The following CSGALNACT1 variants were observed in gnomAD, a reference collection of about 807,000 sequenced individuals.
CSGALNACT1 encodes chondroitin sulfate N-acetylgalactosaminyltransferase 1, also known as beta4GalNAcT-1.
In CSGALNACT1, 52 loss-of-function variants were observed where a neutral mutation model predicts 51.0. The observed-to-expected ratio is 1.02, with a 90% CI of 0.82 to 1.29. The LOEUF is 1.29. CSGALNACT1 is among the 50% of genes most tolerant of loss of function. The probability of loss-of-function intolerance (pLI) is 0.00; values close to 1 mark genes in which losing one functional copy is unlikely to be tolerated. For synonymous variants in CSGALNACT1, 341 were observed against 254.4 expected, an observed-to-expected ratio of 1.34 and a Z score of -3.24; for missense variants, 935 against 679.2, an observed-to-expected ratio of 1.38 and a Z score of -4.19.
At position 19,565,073 on chromosome 8, in the gene CSGALNACT1, G is replaced by A. The variant is rs185146502; in HGVS notation, c.-297+26087C>T. Among the ~76,000 whole-genome samples the A allele has an allele frequency of 1.1e-4, 17 of 152,300 alleles. No individual in the cohort carries two copies. In the East Asian group the frequency reaches 1.5e-3, roughly 14 times the overall value. On this transcript the variant is annotated intron_variant, in intron 3 of 9. Coordinates refer to ENST00000454498, the Ensembl canonical transcript of CSGALNACT1. ...TGCCCACTATATTACAAATTTGGCC[G>A]AAGTTTGAAGGTTACAAGCATCCTT...
At chr8:19,721,737 C>T (rs907814314) in intron 1 of CSGALNACT1, among the ~76,000 whole-genome samples, 2 of 152,188 alleles carry the variant, frequency 1.3e-5, no homozygotes, top group African/African-American at 4.8e-5. Flanking sequence ...AAATATCACG[C>T]ATTATGCTGA....
chr8:19,587,298 T>A (rs958782457), intron 3 of CSGALNACT1, among the ~76,000 whole-genome samples: 10 of 152,204 alleles, frequency 6.6e-5, no homozygotes, highest in African/African-American at 2.2e-4. Context: ...TCAGAAACAC[T>A]GGCTTAGTCT....
At chr8:19,541,436 T>C (rs1039177380) in intron 3 of CSGALNACT1, among the ~76,000 whole-genome samples, 2 of 150,876 alleles carry the variant, frequency 1.3e-5, no homozygotes, top group African/African-American at 4.9e-5. Flanking sequence ...GTATTTTTAG[T>C]AGAGATGGGG....
At chr8:19,409,979 A>C (rs898106616) in intron 8 of CSGALNACT1, among the ~76,000 whole-genome samples, 4 of 152,152 alleles carry the variant, frequency 2.6e-5, no homozygotes, top group African/African-American at 7.2e-5. Flanking sequence ...GTTTCACCAC[A>C]GGCTAATTAT....
intron 8 of CSGALNACT1, among the ~76,000 whole-genome samples, chr8:19,413,758 T>C (rs1296383530): frequency 6.6e-6 from 1 of 152,122 alleles, no homozygotes. Context: ...TAAGACCACA[T>C]GGCAGACTAA....
chr8:19,630,194 C>CTGTGTGTGTGTGTG (rs55947851), intron 1 of CSGALNACT1, among the ~76,000 whole-genome samples: 40 of 137,892 alleles, frequency 2.9e-4, no homozygotes, highest in African/African-American at 1.1e-3. Context: ...TCCCACGTCT[C>CTGTGTGTGTGTGTG]TGTGTGTGTG....
chr8:19,669,547 G>A (rs1237978994), intron 1 of CSGALNACT1, among the ~76,000 whole-genome samples: 5 of 152,166 alleles, frequency 3.3e-5, no homozygotes, highest in Non-Finnish European at 4.4e-5. Context: ...TCCCTCCCAG[G>A]TTCAAGCGAT....
intron 1 of CSGALNACT1, among the ~76,000 whole-genome samples, chr8:19,690,412 T>C (rs1052642574): frequency 1.3e-5 from 2 of 152,178 alleles, no homozygotes; most frequent in Non-Finnish European, 2.9e-5. Context: ...CTTAACATTC[T>C]GTTTCTGCTA....
intron 3 of CSGALNACT1, among the ~76,000 whole-genome samples, chr8:19,557,978 T>C (rs1223282797): frequency 1.3e-5 from 2 of 152,150 alleles, no homozygotes; most frequent in Admixed American, 6.5e-5. Flanking sequence ...AATGAAAACA[T>C]AAACAAGTAA....
At chr8:19,485,947 G>A (rs373470626) in intron 4 of CSGALNACT1, among the ~76,000 whole-genome samples, 12 of 151,168 alleles carry the variant, frequency 7.9e-5, no homozygotes, top group African/African-American at 2.9e-4. Context: ...TGTATTTTTA[G>A]TAAAGACAGG....
chr8:19,533,139 C>T (rs2083103557), intron 3 of CSGALNACT1, among the ~76,000 whole-genome samples: 1 of 152,030 alleles, frequency 6.6e-6, no homozygotes, highest in Admixed American at 6.6e-5. Context: ...TTTTGAGAGA[C>T]AAGGTCTCCC....
At chr8:19,448,831 G>T (rs1345829942) in intron 5 of CSGALNACT1, among the ~76,000 whole-genome samples, 1 of 152,182 alleles carries the variant, frequency 6.6e-6, no homozygotes, top group Non-Finnish European at 1.5e-5. Flanking sequence ...CAAATGAAAT[G>T]ACATGTAAAA....
chr8:19,726,992 T>C (rs2063434881), intron 1 of CSGALNACT1, among the ~76,000 whole-genome samples: 1 of 152,150 alleles, frequency 6.6e-6, no homozygotes, highest in Admixed American at 6.5e-5. Flanking sequence ...AAGGTGCCAC[T>C]TCCAGGAATG....
At chr8:19,711,263 G>C (rs189380296) in intron 1 of CSGALNACT1, among the ~76,000 whole-genome samples, 2 of 152,100 alleles carry the variant, frequency 1.3e-5, no homozygotes, top group Admixed American at 1.3e-4. Context: ...TTTTAAAACC[G>C]ATATTTTTAT....
At chr8:19,570,501 A>G (rs1325853271) in intron 3 of CSGALNACT1, among the ~76,000 whole-genome samples, 2 of 152,308 alleles carry the variant, frequency 1.3e-5, no homozygotes, top group Non-Finnish European at 2.9e-5. Context: ...AGAGAGCAAG[A>G]GGTAATGAGG....
chr8:19,712,418 G>A (rs940193859), intron 1 of CSGALNACT1, among the ~76,000 whole-genome samples: 1 of 152,116 alleles, frequency 6.6e-6, no homozygotes, highest in African/African-American at 2.4e-5. Flanking sequence ...AGAGATTTTA[G>A]CTGTCTGTAG....
At chr8:19,404,962 G>T in exon 10 of CSGALNACT1, 1 of 454,056 alleles carries the variant, frequency 2.2e-6, no homozygotes, top group Non-Finnish European at 4.4e-6. Flanking sequence ...TTCAGTGCCT[G>T]ACAGAATCAG....
chr8:19,715,717 T>C (rs1589663139), intron 1 of CSGALNACT1, among the ~76,000 whole-genome samples: 1 of 152,164 alleles, frequency 6.6e-6, no homozygotes, highest in African/African-American at 2.4e-5. Flanking sequence ...TGCCTGGAAA[T>C]GGGCACATCT....
intron 4 of CSGALNACT1, among the ~76,000 whole-genome samples, chr8:19,479,967 G>A (rs2070902496): frequency 1.3e-5 from 2 of 152,042 alleles, no homozygotes; most frequent in Non-Finnish European, 2.9e-5. Flanking sequence ...ATACCTCTTT[G>A]TAGAGTACAG....
Sources: gnomAD v4.1 joint callset for allele counts (sites outside exome capture counted in the v4.1 genomes callset) on GRCh38, gnomAD v4.1.1 for gene constraint, MANE v1.5 for transcripts, NCBI Gene and HGNC (gene_info 2026-07-23, HGNC 2026-07-21) for gene names.